The following MDFIC2 variants were observed in gnomAD, a reference collection of about 807,000 sequenced individuals.
The protein encoded by MDFIC2 is myoD family inhibitor domain-containing protein 2.
At chr3:70,262,111 A>G (rs1357930361) in intron 2 of MDFIC2, among the ~76,000 whole-genome samples, 1 of 152,170 alleles carries the variant, frequency 6.6e-6, no homozygotes, top group Non-Finnish European at 1.5e-5. Flanking sequence ...GTGCGACAGT[A>G]TTGCCTTCTA....
chr3:70,243,789 TA>T (rs1174170764), intron 2 of MDFIC2, among the ~76,000 whole-genome samples: 2 of 152,142 alleles, frequency 1.3e-5, no homozygotes, highest in South Asian at 2.1e-4. Flanking sequence ...GGAATTTCCA[TA>T]AAAAGCACTG....
At chr3:70,308,868 C>T (rs1411846695) in intron 2 of MDFIC2, among the ~76,000 whole-genome samples, 1 of 152,052 alleles carries the variant, frequency 6.6e-6, no homozygotes, top group Non-Finnish European at 1.5e-5. Flanking sequence ...GCACTCAGTG[C>T]TTTGTGTCAG....
chr3:70,309,481 T>A (rs1015410861), intron 2 of MDFIC2, among the ~76,000 whole-genome samples: 7 of 152,198 alleles, frequency 4.6e-5, no homozygotes, highest in African/African-American at 1.7e-4. Context: ...TCCCATAATC[T>A]CATAAAGCAA....
chr3:70,271,349 A>G (rs971866130), intron 2 of MDFIC2, among the ~76,000 whole-genome samples: 2 of 151,988 alleles, frequency 1.3e-5, no homozygotes, highest in East Asian at 1.9e-4. Flanking sequence ...TGTTGTGGCT[A>G]CTCACCTCCA....
At chr3:70,252,901 G>A (rs1701782620) in intron 2 of MDFIC2, among the ~76,000 whole-genome samples, 10 of 151,946 alleles carry the variant, frequency 6.6e-5, no homozygotes, top group Admixed American at 6.6e-4. Context: ...CCAACATCGT[G>A]AAACCCCCTC....
chr3:70,281,319 C>A (rs1178937017), intron 2 of MDFIC2, among the ~76,000 whole-genome samples: 1 of 152,140 alleles, frequency 6.6e-6, no homozygotes, highest in East Asian at 1.9e-4. Context: ...ATTCAGGAAC[C>A]TCCTGATCTT....
chr3:70,302,932 A>C (rs531866947), intron 2 of MDFIC2, among the ~76,000 whole-genome samples: 3 of 152,162 alleles, frequency 2.0e-5, no homozygotes, highest in Non-Finnish European at 4.4e-5. Context: ...CAGCAGTAGG[A>C]TGTGACACTG....
At chr3:70,218,715 G>T (rs908956164) in intron 2 of MDFIC2, among the ~76,000 whole-genome samples, 1 of 152,046 alleles carries the variant, frequency 6.6e-6, no homozygotes, top group African/African-American at 2.4e-5. Flanking sequence ...GTCACTTAAA[G>T]CCTACAAGAG....
At chr3:70,306,613 A>T (rs1025501044) in intron 2 of MDFIC2, among the ~76,000 whole-genome samples, 32 of 151,794 alleles carry the variant, frequency 2.1e-4, no homozygotes, top group African/African-American at 7.7e-4. Flanking sequence ...CTCTCTCATG[A>T]ATTTTCCCAT....
At chr3:70,248,337 A>G (rs967021334) in intron 2 of MDFIC2, among the ~76,000 whole-genome samples, 1 of 152,098 alleles carries the variant, frequency 6.6e-6, no homozygotes, top group Non-Finnish European at 1.5e-5. Context: ...GAAGGAGTTT[A>G]TAAATGGAGA....
chr3:70,223,049 A>G (rs949033361), intron 2 of MDFIC2, among the ~76,000 whole-genome samples: 2 of 152,164 alleles, frequency 1.3e-5, no homozygotes, highest in African/African-American at 4.8e-5. Context: ...TTCAAATTTC[A>G]GATACATTAT....
chr3:70,203,017 G>C (rs1341609614), intron 3 of MDFIC2, among the ~76,000 whole-genome samples: 3 of 152,006 alleles, frequency 2.0e-5, no homozygotes, highest in Non-Finnish European at 2.9e-5. Context: ...ATTAGGAGGT[G>C]GGAGGGATAA....
At chr3:70,278,123 G>A (rs1702045493) in intron 2 of MDFIC2, among the ~76,000 whole-genome samples, 1 of 152,014 alleles carries the variant, frequency 6.6e-6, no homozygotes, top group African/African-American at 2.4e-5. Context: ...CAGCACCTTT[G>A]CCCCCAACTT....
chr3:70,288,961 G>T (rs1228487691), intron 2 of MDFIC2, among the ~76,000 whole-genome samples: 2 of 151,874 alleles, frequency 1.3e-5, no homozygotes, highest in Non-Finnish European at 2.9e-5. Context: ...GTCTCTGCAC[G>T]TGAGATGGGT....
At chr3:70,208,172 C>T (rs1305962618) in intron 2 of MDFIC2, among the ~76,000 whole-genome samples, 2 of 152,070 alleles carry the variant, frequency 1.3e-5, no homozygotes, top group Non-Finnish European at 2.9e-5. Context: ...GAACAAGCAA[C>T]AGTCCTCGTG....
At chr3:70,279,851 C>T (rs1702063963) in intron 2 of MDFIC2, among the ~76,000 whole-genome samples, 1 of 152,136 alleles carries the variant, frequency 6.6e-6, no homozygotes. Context: ...ACTACACCTG[C>T]CAAACCACCT....
At chr3:70,301,602 C>A (rs1278169222) in intron 2 of MDFIC2, among the ~76,000 whole-genome samples, 2 of 151,998 alleles carry the variant, frequency 1.3e-5, no homozygotes, top group African/African-American at 4.8e-5. Flanking sequence ...GCTTCTTTTA[C>A]AGTAGGAATG....
intron 2 of MDFIC2, among the ~76,000 whole-genome samples, chr3:70,231,553 TGTG>T (rs1701560183): frequency 6.6e-6 from 1 of 152,186 alleles, no homozygotes; most frequent in Non-Finnish European, 1.5e-5. Flanking sequence ...ACTTGTTAGT[TGTG>T]CTGGATGATT....
chr3:70,246,985 C>A (rs1045251726), intron 2 of MDFIC2, among the ~76,000 whole-genome samples: 5 of 151,956 alleles, frequency 3.3e-5, no homozygotes, highest in African/African-American at 1.2e-4. Context: ...AGGCTCAGGG[C>A]ATATCATAAT....
Sources: allele counts gnomAD v4.1 joint callset (sites outside exome capture counted in the v4.1 genomes callset), GRCh38; gene constraint gnomAD v4.1.1; transcripts MANE v1.5; gene names NCBI Gene and HGNC (gene_info 2026-07-23, HGNC 2026-07-21).